The following SELENOI variants were observed in gnomAD, a reference collection of about 807,000 sequenced individuals.
SELENOI encodes the protein ethanolaminephosphotransferase 1.
Under a neutral mutation model 50.7 loss-of-function variants are expected in SELENOI, and 24 were observed. That is an observed-to-expected ratio of 0.47 (90% CI 0.34 to 0.67). SELENOI has a LOEUF of 0.67. Among genes scored for constraint, SELENOI ranks in the 30% least tolerant of loss-of-function variants. SELENOI has a pLI of 0.01. For synonymous variants in SELENOI, 155 were observed against 170.2 expected, an observed-to-expected ratio of 0.91 and a Z score of 0.70; for missense variants, 352 against 461.4, an observed-to-expected ratio of 0.76 and a Z score of 2.17.
At chr2:26,349,486 TC>T (rs1676905395) in intron 1 of SELENOI, among the ~76,000 whole-genome samples, 1 of 151,850 alleles carries the variant, frequency 6.6e-6, no homozygotes, top group Non-Finnish European at 1.5e-5. Flanking sequence ...TTTGTATTTT[TC>T]TTTGAGACAG....
chr2:26,367,348 A>C (rs1231930064), intron 4 of SELENOI, 128 bp downstream of exon 4: 1 of 640,160 alleles, frequency 1.6e-6, no homozygotes, highest in East Asian at 3.5e-5. Flanking sequence ...TCCTGTTCAA[A>C]TTGATAAATA....
intron 8 of SELENOI, among the ~76,000 whole-genome samples, chr2:26,385,998 G>T (rs888190461): frequency 6.6e-6 from 1 of 152,116 alleles, no homozygotes; most frequent in Non-Finnish European, 1.5e-5. Context: ...ACTTAATTGT[G>T]TGGGGGTGTG....
chr2:26,371,054 G>A (rs1287249934), intron 4 of SELENOI, among the ~76,000 whole-genome samples: 3 of 147,864 alleles, frequency 2.0e-5, no homozygotes, highest in Admixed American at 6.6e-5. Context: ...AGGGGCGGCC[G>A]GGCAGAGGCG....
Position 26,366,108 on chromosome 2 carries a change from T to C in SELENOI, c.236-1038T>C, listed in dbSNP as rs1394180746. Among the ~76,000 whole-genome samples the C allele has an allele frequency of 2.0e-5, 3 of 152,134 alleles. No homozygotes were observed. The East Asian group carries it at 5.8e-4, about 29-fold the overall frequency. On this transcript the variant is annotated intron_variant, in intron 3 of 9. Coordinates refer to ENST00000260585, the MANE Select transcript of SELENOI (RefSeq NM_033505.4). ...GAGCCACTGCACCTGGCCAAGACTTTTGATACTATAGAAATTCCAAATATT... is the reference window on the plus strand; with the variant it reads ...GAGCCACTGCACCTGGCCAAGACTTCTGATACTATAGAAATTCCAAATATT...
At chr2:26,348,996 C>CTTTTTTTTTTTTTTTT (rs869073468) in intron 1 of SELENOI, among the ~76,000 whole-genome samples, 1 of 57,690 alleles carries the variant, frequency 1.7e-5, no homozygotes, top group Non-Finnish European at 3.6e-5. Context: ...TTTGGACAGG[C>CTTTTTTTTTTTTTTTT]TTTTTTTTTT....
rs575304306 is a variant in SELENOI at position 26,379,179 on chromosome 2, G to A, written c.682+4031G>A. 4.6e-5 allele frequency among the ~76,000 whole-genome samples: 7 copies of A among 152,256 alleles called. No individual in the cohort carries two copies. In the East Asian group the frequency reaches 7.7e-4, roughly 17 times the overall value. On this transcript the variant is annotated intron_variant, in intron 6 of 9. Coordinates refer to ENST00000260585, the MANE Select transcript of SELENOI (RefSeq NM_033505.4). ...CTCGGGAGGCTGAGGCAGGAGAATC[G>A]CTTGAACCTGGGAGGTGGAGGTTGC...
In SELENOI at chr2:26,391,234, T is replaced by A. The variant is rs1289787004; in HGVS notation, c.*2131T>A. 2 of 152,234 alleles carry A rather than the reference T, an allele frequency of 1.3e-5. No homozygotes were observed. The highest frequency in any genetic ancestry group is 2.1e-4 in the South Asian group (1 of 4,828). 9.4% of individuals were successfully genotyped at this position (152,234 alleles called of 1,614,324 possible). ...AGAATGATGCCATAGTCAGTTTTATTGACATTGTTAGATGAAAGAAAAGTA... is the reference window on the plus strand; with the variant it reads ...AGAATGATGCCATAGTCAGTTTTATAGACATTGTTAGATGAAAGAAAAGTA... On this transcript the variant is annotated 3_prime_UTR_variant, in exon 10 of 10. Coordinates refer to ENST00000260585, the MANE Select transcript of SELENOI (RefSeq NM_033505.4).
At chr2:26,364,092 T>C (rs200980972) in intron 1 of SELENOI, among the ~76,000 whole-genome samples, 1 of 150,286 alleles carries the variant, frequency 6.7e-6, no homozygotes, top group East Asian at 1.9e-4. Context: ...TTTTTTTTTT[T>C]TTTTTTTGGA....
At position 26,393,498 on chromosome 2, in the gene SELENOI, A is replaced by AG. The variant is rs1183693878; in HGVS notation, c.*4400dup. 2.0e-5 allele frequency: 3 copies of AG among 152,260 alleles called. No individual in the cohort carries two copies. The highest frequency in any genetic ancestry group is 7.2e-5 in the African/African-American group (3 of 41,430). The allele number at this position is 152,260 out of a possible 1,614,324, so 9.4% of individuals were successfully genotyped here. A position where few individuals can be genotyped will look rare whatever the true frequency, so the allele number is the denominator to read the frequency against. On this transcript the variant is annotated 3_prime_UTR_variant, in exon 10 of 10. Coordinates refer to ENST00000260585, the MANE Select transcript of SELENOI (RefSeq NM_033505.4). ...AGCTCTCTCACAGGTAGCTTAAGCG[A>AG]GGGGGTTGTGTTGCATGTGCTTAGA...
chr2:26,371,861 A>AACCATGGGGAGAGGGAG (rs1328680427), intron 4 of SELENOI, among the ~76,000 whole-genome samples: 2 of 150,434 alleles, frequency 1.3e-5, no homozygotes, highest in African/African-American at 5.0e-5. Flanking sequence ...GGGAGAGGGA[A>AACCATGGGGAGAGGGAG]ACCATGGGGA....
chr2:26,371,138 C>T (rs996126264), intron 4 of SELENOI, among the ~76,000 whole-genome samples: 2 of 147,722 alleles, frequency 1.4e-5, no homozygotes, highest in African/African-American at 5.1e-5. Context: ...GACGGGGCGG[C>T]TGGGCTGGCG....
rs1185991179 is a variant in SELENOI at position 26,394,649 on chromosome 2, T to G, written c.*5546T>G. On this transcript the variant is annotated 3_prime_UTR_variant, in exon 10 of 10. Transcript: ENST00000260585. The surrounding 1 kb of genome is among the most constrained non-coding windows in gnomAD (Gnocchi z 4.1). ...ATTGAACTCTAAATTTCTGGGTGTT[T>G]TTTTTTTTAAAGTAGCATTTTCTCT... The G allele has an allele frequency of 6.6e-6, 1 of 152,082 alleles. No individual in the cohort carries two copies. The highest frequency in any genetic ancestry group is 1.5e-5 in the Non-Finnish European group (1 of 68,004). The allele number at this position is 152,082 out of a possible 1,614,324, so 9.4% of individuals were successfully genotyped here.
At chr2:26,363,713 A>G (rs1350447986) in intron 1 of SELENOI, among the ~76,000 whole-genome samples, 4 of 152,014 alleles carry the variant, frequency 2.6e-5, no homozygotes, top group African/African-American at 4.8e-5. Context: ...CAGTTTTGCT[A>G]CTCAGATTAG....
chr2:26,382,930 A>C (rs1677738516), intron 6 of SELENOI, among the ~76,000 whole-genome samples: 1 of 152,142 alleles, frequency 6.6e-6, no homozygotes, highest in Non-Finnish European at 1.5e-5. Flanking sequence ...ATACTGTTCT[A>C]GGTATCTTAA....
Position 26,386,484 on chromosome 2 carries a change from A to C in SELENOI, c.1043A>C (p.Tyr348Ser). 2 of 1,613,736 alleles carry C rather than the reference A, an allele frequency of 1.2e-6. No individual in the cohort carries two copies. The highest frequency in any genetic ancestry group is 1.7e-6 in the Non-Finnish European group (2 of 1,179,804). ...TCTTACGTTGAGAGCATTCTCCTGT[A>C]TACATTAACAACTGCTTTTACTCTG... ...VASYVESILL[Y>S]TLTTAFTLAH... Residue 348 changes from tyrosine (Y) to serine (S), a missense_variant, in exon 9 of 10, where the codon TAT (tyrosine) becomes TCT (serine). Transcript: ENST00000260585.
At chr2:26,380,530 A>G (rs1216434375) in intron 6 of SELENOI, among the ~76,000 whole-genome samples, 1 of 152,120 alleles carries the variant, frequency 6.6e-6, no homozygotes. Flanking sequence ...CCATCCCCCT[A>G]TCAATAGACA....
At chr2:26,363,212 T>G (rs2147949322) in intron 1 of SELENOI, among the ~76,000 whole-genome samples, 1 of 152,334 alleles carries the variant, frequency 6.6e-6, no homozygotes, top group East Asian at 1.9e-4. Context: ...GTACTTACTG[T>G]AGGTCAGTTC....
intron 9 of SELENOI, among the ~76,000 whole-genome samples, chr2:26,388,571 A>G (rs1472257553): frequency 6.6e-6 from 1 of 152,186 alleles, no homozygotes; most frequent in Non-Finnish European, 1.5e-5. Context: ...CCTTCCCACT[A>G]GAGATACCCT....
At chr2:26,385,315 G>T (rs1677815942) in intron 8 of SELENOI, among the ~76,000 whole-genome samples, 176 bp downstream of exon 8, 1 of 151,978 alleles carries the variant, frequency 6.6e-6, no homozygotes, top group African/African-American at 2.4e-5. Flanking sequence ...ATTTTATTTT[G>T]CCCTTTGAAA....
Sources: gnomAD v4.1 joint callset for allele counts (sites outside exome capture counted in the v4.1 genomes callset) on GRCh38, gnomAD v4.1.1 for gene constraint, Gnocchi (gnomAD v3.1) non-coding constraint, MANE v1.5 for transcripts, NCBI Gene and HGNC (gene_info 2026-07-23, HGNC 2026-07-21) for gene names.